Variants in SLFN11 observed in about 807,000 individuals in gnomAD.
SLFN11 encodes the protein schlafen family member 11.
A neutral mutation model predicts 53.4 loss-of-function variants in SLFN11; 43 were observed. The ratio of observed to expected loss-of-function variants is 0.80; its 90% CI spans 0.63 to 1.04. SLFN11 has a LOEUF of 1.04. Ranked by LOEUF, SLFN11 falls within the 50% of genes least tolerant of loss-of-function variation. The probability of loss-of-function intolerance (pLI) is 0.00; values close to 1 mark genes in which losing one functional copy is unlikely to be tolerated. For missense variants in SLFN11, 990 were observed against 1,079.1 expected (o/e 0.92, Z 1.16); for synonymous variants, 389 against 394.7 (o/e 0.99, Z 0.17).
chr17:35,357,827 AAAT>A (rs869311109), intron 5 of SLFN11, among the ~76,000 whole-genome samples: 5 of 132,290 alleles, frequency 3.8e-5, no homozygotes, highest in South Asian at 4.5e-4. Context: ...AAAAACAAAT[AAAT>A]AATAAAATTA....
rs143719018 is a variant in SLFN11 at position 35,353,988 on chromosome 17, C to A, written c.1270G>T (p.Glu424Ter). The A allele has an allele frequency of 1.4e-5, 23 of 1,614,042 alleles. No homozygotes were observed. Among genetic ancestry groups the A allele is most frequent in the Non-Finnish European group, 1.9e-5 (23 of 1,180,000 alleles). The change falls in exon 6 of 7, where the codon GAG becomes TAG. Residue 424 changes from glutamate (E) to a stop codon, truncating the protein, a stop_gained. Transcript: ENST00000685675. LOFTEE classifies it high-confidence loss of function. ...RDLISEHRGL[E>*]ELINKQMQPF... Reference sequence around the variant, plus strand: ...TGCATTTGCTTATTTATTAACTCCTCTAGTCCTCTGTGCTCTGAGATCAGG... The same window carrying A: ...TGCATTTGCTTATTTATTAACTCCTATAGTCCTCTGTGCTCTGAGATCAGG...
intron 3 of SLFN11, among the ~76,000 whole-genome samples, chr17:35,365,756 A>G: frequency 6.6e-6 from 1 of 152,202 alleles, no homozygotes; most frequent in East Asian, 1.9e-4. Context: ...CTCTCAAAGC[A>G]TGATGATAAA....
At chr17:35,368,575 T>C (rs1909250649) in intron 1 of SLFN11, among the ~76,000 whole-genome samples, 1 of 152,062 alleles carries the variant, frequency 6.6e-6, no homozygotes, top group Admixed American at 6.5e-5. Context: ...CCACAAGGAC[T>C]GAAACTCCTA....
Position 35,350,727 on chromosome 17 carries a change from C to A in SLFN11, c.*1629G>T, listed in dbSNP as rs1266136622. 1 of 152,164 alleles carries A rather than the reference C, an allele frequency of 6.6e-6. No homozygotes were observed. The highest frequency in any genetic ancestry group is 1.5e-5 in the Non-Finnish European group (1 of 68,044). The allele number at this position is 152,164 out of a possible 1,614,324, so 9.4% of individuals were successfully genotyped here. On this transcript the variant is annotated 3_prime_UTR_variant, in exon 7 of 7. Transcript: ENST00000685675. ...ATTTTGCTTAAGTTAGGAGAGCCTGCAATTTCAAGCCCAGATAACTGGAAT... is the reference window on the plus strand; with the variant it reads ...ATTTTGCTTAAGTTAGGAGAGCCTGAAATTTCAAGCCCAGATAACTGGAAT...
Position 35,362,853 on chromosome 17 carries a change from G to A in SLFN11, c.955C>T (p.Pro319Ser). The stretch of plus-strand genomic sequence containing the variant: ...TCTGAGAACACTGCACAGCAGAAGG[G>A]ATTTACTCTGATCATGCAAGCATAG... ...YGYACMIRVN[P>S]FCCAVFSEAP... The change falls in exon 4 of 7, where the codon CCC becomes TCC. Residue 319 changes from proline to serine, a missense_variant. By Grantham distance (74) the Pro-to-Ser change is moderately conservative. Transcript: ENST00000685675. The A allele has an allele frequency of 6.2e-7, 1 of 1,613,920 alleles. No homozygotes were observed. Among genetic ancestry groups the A allele is most frequent in the Non-Finnish European group, 8.5e-7 (1 of 1,179,938 alleles).
At chr17:35,356,907 G>C (rs1156484698) in intron 5 of SLFN11, among the ~76,000 whole-genome samples, 2 of 151,710 alleles carry the variant, frequency 1.3e-5, no homozygotes, top group Non-Finnish European at 2.9e-5. Context: ...CTCCAATGGA[G>C]TTGTACCAAT....
At chr17:35,372,071 A>G (rs1052386208) in intron 1 of SLFN11, among the ~76,000 whole-genome samples, 6 of 152,172 alleles carry the variant, frequency 3.9e-5, no homozygotes, top group Non-Finnish European at 5.9e-5. Context: ...GAAGCACTCT[A>G]AGCGTCCATC....
chr17:35,371,320 C>T (rs74576811), intron 1 of SLFN11, among the ~76,000 whole-genome samples: 8,953 of 151,954 alleles, frequency 0.059, 905 homozygotes, highest in African/African-American at 0.2. Flanking sequence ...AAAAATCAAA[C>T]GAAAATGGGT....
At chr17:35,354,482 GC>G (rs1184706879) in intron 5 of SLFN11, among the ~76,000 whole-genome samples, 4 of 152,116 alleles carry the variant, frequency 2.6e-5, no homozygotes, top group Non-Finnish European at 4.4e-5. Context: ...AGTAGCAGGA[GC>G]CCCCCCTCCT....
rs920799701 is a variant in SLFN11 at position 35,364,675 on chromosome 17, C to A, written c.-19-849G>T. On this transcript the variant is annotated intron_variant, in intron 3 of 6. Transcript: ENST00000685675. The stretch of plus-strand genomic sequence containing the variant: ...TATAACATTAACCTAGATATTTAAT[C>A]TTTCTAACTCTGTTTTCTTACCTAT... Among the ~76,000 whole-genome samples the A allele has an allele frequency of 2.7e-4, 41 of 152,112 alleles. 1 individual carries two copies. Among genetic ancestry groups the A allele is most frequent in the Non-Finnish European group, 5.7e-4 (39 of 68,010 alleles).
At chr17:35,365,454 CT>C (rs1368968781) in intron 3 of SLFN11, among the ~76,000 whole-genome samples, 2 of 15,372 alleles carry the variant, frequency 1.3e-4, no homozygotes, top group African/African-American at 3.6e-4. Flanking sequence ...CCAGCTAATT[CT>C]TTAAAAATTT....
rs764628698 is a variant in SLFN11 at position 35,362,762 on chromosome 17, C to G, written c.1046G>C (p.Gly349Ala). Residue 349 changes from glycine to alanine, a missense_variant, in exon 4 of 7, where the codon GGC becomes GCC. Physicochemically the swap from Gly to Ala is moderately conservative, Grantham distance 60. This residue lies in a region of SLFN11 where 521 missense variants were observed against 516.2 expected (regional missense o/e 1.01). Transcript: ENST00000685675. ...ACCTGGATCTGTGTCTGTCATCATG[C>G]CTACCCATTTCTCGGTTGTCAGGCT... ...VCSLTTEKWV[G>A]MMTDTDPDLL... 1 of 1,583,110 alleles carries G rather than the reference C, an allele frequency of 6.3e-7. No homozygotes were observed. The highest frequency in any genetic ancestry group is 1.4e-5 in the African/African-American group (1 of 73,582).
intron 3 of SLFN11, among the ~76,000 whole-genome samples, chr17:35,365,850 T>G (rs1179196691): frequency 6.6e-6 from 1 of 152,140 alleles, no homozygotes; most frequent in Non-Finnish European, 1.5e-5. Flanking sequence ...TAAATACGTT[T>G]ATGTTTAGTA....
Position 35,352,828 on chromosome 17 carries a change from A to T in SLFN11, c.2234T>A (p.Met745Lys). ...DPIAKYLQKE[M>K]QVIRSNPSFN... ...TGAAGGATTACTTCTAATTACTTGC[A>T]TTTCTTTTTGTAAGTACTTGGCTAT... Residue 745 changes from methionine to lysine, a missense_variant, in exon 7 of 7, where the codon ATG becomes AAG. Transcript: ENST00000685675. The T allele has an allele frequency of 6.2e-7, 1 of 1,614,170 alleles. No individual in the cohort carries two copies.
intron 5 of SLFN11, among the ~76,000 whole-genome samples, chr17:35,356,833 T>C (rs34325379): frequency 0.18 from 24,392 of 134,428 alleles, 2,222 homozygotes; most frequent in Non-Finnish European, 0.23. Flanking sequence ...CACACACACA[T>C]AATAAAATCC....
intron 3 of SLFN11, among the ~76,000 whole-genome samples, chr17:35,365,485 G>C (rs574420404): frequency 3.6e-4 from 55 of 152,022 alleles, no homozygotes; most frequent in Non-Finnish European, 7.2e-4. Flanking sequence ...TAGAGATGGG[G>C]GTCTCCCCAT....
intron 5 of SLFN11, among the ~76,000 whole-genome samples, chr17:35,357,741 A>G (rs1251425355): frequency 1.4e-5 from 2 of 145,624 alleles, no homozygotes; most frequent in East Asian, 3.9e-4. Flanking sequence ...AATAATATAT[A>G]TCATATATAA....
At chr17:35,360,093 A>G (rs1177328086) in intron 5 of SLFN11, 150 bp downstream of exon 5, 1 of 762,966 alleles carries the variant, frequency 1.3e-6, no homozygotes, top group Non-Finnish European at 2.1e-6. Context: ...TTTCTAAACC[A>G]CTTATCACCA....
chr17:35,357,139 C>CGTGT (rs35291259), intron 5 of SLFN11, among the ~76,000 whole-genome samples: 40,138 of 142,618 alleles, frequency 0.28, 6,613 homozygotes, highest in Non-Finnish European at 0.38. Flanking sequence ...TTTTTCTGTG[C>CGTGT]GTGTGTGTGT....
Sources: gnomAD v4.1 joint callset for allele counts (sites outside exome capture counted in the v4.1 genomes callset) on GRCh38, gnomAD v4.1.1 for gene constraint, gnomAD v4.1.1 regional missense constraint, MANE v1.5 for transcripts, NCBI Gene and HGNC (gene_info 2026-07-23, HGNC 2026-07-21) for gene names.